The following FAM117B variants were observed in gnomAD, a reference collection of about 807,000 sequenced individuals.
FAM117B encodes the protein protein FAM117B.
In FAM117B, 22 loss-of-function variants were observed where a neutral mutation model predicts 52.8. That is an observed-to-expected ratio of 0.42 (90% CI 0.30 to 0.59). The LOEUF is 0.59. Ranked by LOEUF, FAM117B falls within the 20% of genes least tolerant of loss-of-function variation. The probability of loss-of-function intolerance (pLI) is 0.22; values close to 1 mark genes in which losing one functional copy is unlikely to be tolerated. For missense variants in FAM117B, 678 were observed against 802.6 expected, an observed-to-expected ratio of 0.84 and a Z score of 1.88; for synonymous variants, 309 against 324.1, an observed-to-expected ratio of 0.95 and a Z score of 0.50.
chr2:202,644,305 A>G (rs1177896159), intron 1 of FAM117B, among the ~76,000 whole-genome samples: 1 of 152,058 alleles, frequency 6.6e-6, no homozygotes, highest in Admixed American at 6.6e-5. Context: ...TGAGGTTAAA[A>G]TTGTTTTTCA....
At chr2:202,731,665 C>T (rs1385214854) in intron 4 of FAM117B, among the ~76,000 whole-genome samples, 3 of 151,880 alleles carry the variant, frequency 2.0e-5, no homozygotes, top group Non-Finnish European at 2.9e-5. Flanking sequence ...CTCCTGACCT[C>T]GTGAGCCTCC....
rs149807813 is a variant in FAM117B at position 202,724,264 on chromosome 2, C to T, written c.754-653C>T. Reference sequence around the variant, plus strand: ...TTCACCATGCTGGTCAGGCTGTTCTCGAACTCCTGACCTCGTGGCCTGTCC... The same window carrying T: ...TTCACCATGCTGGTCAGGCTGTTCTTGAACTCCTGACCTCGTGGCCTGTCC... On this transcript the variant is annotated intron_variant, in intron 2 of 7. Coordinates refer to ENST00000392238, the MANE Select transcript of FAM117B (RefSeq NM_173511.4). Among the ~76,000 whole-genome samples, 209 of 152,120 alleles carry T rather than the reference C, an allele frequency of 1.4e-3. 3 individuals are homozygous for T. The highest frequency in any genetic ancestry group is 4.7e-3 in the African/African-American group (197 of 41,514).
At chr2:202,762,321 G>A (rs1691902533) in intron 7 of FAM117B, among the ~76,000 whole-genome samples, 1 of 151,988 alleles carries the variant, frequency 6.6e-6, no homozygotes, top group South Asian at 2.1e-4. Flanking sequence ...GTTGGATTTG[G>A]GCCCAAAAAG....
intron 4 of FAM117B, among the ~76,000 whole-genome samples, chr2:202,740,981 C>G (rs1691525145): frequency 6.6e-6 from 1 of 151,692 alleles, no homozygotes; most frequent in African/African-American, 2.4e-5. Context: ...CCTTAAGATC[C>G]CATGCTATTT....
chr2:202,670,288 C>CTTTTTTTTT (rs547597583), intron 1 of FAM117B, among the ~76,000 whole-genome samples: 1 of 142,838 alleles, frequency 7.0e-6, no homozygotes, highest in African/African-American at 2.8e-5. Flanking sequence ...TCTTTTCTTT[C>CTTTTTTTTT]TTTTTTTTTT....
At chr2:202,733,059 AAG>A (rs1359966908) in intron 4 of FAM117B, among the ~76,000 whole-genome samples, 1 of 152,082 alleles carries the variant, frequency 6.6e-6, no homozygotes, top group African/African-American at 2.4e-5. Flanking sequence ...AAAGAGTACA[AAG>A]AGAGGAATTT....
chr2:202,668,938 A>G (rs1295645573), intron 1 of FAM117B, among the ~76,000 whole-genome samples: 1 of 152,174 alleles, frequency 6.6e-6, no homozygotes, highest in African/African-American at 2.4e-5. Flanking sequence ...TCACAGTGTT[A>G]TATATAATAT....
chr2:202,639,029 A>G (rs894113294), intron 1 of FAM117B, among the ~76,000 whole-genome samples: 1 of 152,240 alleles, frequency 6.6e-6, no homozygotes, highest in Non-Finnish European at 1.5e-5. Context: ...CTGGAAGGAA[A>G]GTCTTTGTAA....
At chr2:202,699,355 A>T in intron 2 of FAM117B, among the ~76,000 whole-genome samples, 1 of 125,100 alleles carries the variant, frequency 8.0e-6, no homozygotes, top group East Asian at 2.8e-4. Flanking sequence ...TGAACCCGGG[A>T]GGTGGAGGTT....
intron 1 of FAM117B, among the ~76,000 whole-genome samples, chr2:202,642,685 T>A (rs1258076373): frequency 6.6e-6 from 1 of 152,232 alleles, no homozygotes; most frequent in Admixed American, 6.5e-5. Flanking sequence ...GGATACACTT[T>A]GAACTTGGGG....
intron 4 of FAM117B, among the ~76,000 whole-genome samples, chr2:202,738,220 A>G (rs1176329248): frequency 1.3e-5 from 2 of 152,178 alleles, no homozygotes; most frequent in Non-Finnish European, 2.9e-5. Context: ...TTGTTCTCTT[A>G]CTGTCTTTCA....
At chr2:202,653,065 G>C (rs1185859697) in intron 1 of FAM117B, among the ~76,000 whole-genome samples, 1 of 152,102 alleles carries the variant, frequency 6.6e-6, no homozygotes, top group African/African-American at 2.4e-5. Context: ...AGGAGTTTTC[G>C]AGACCAGCCT....
At chr2:202,755,459 A>G (rs1691786767) in intron 4 of FAM117B, 79 bp from the exon 5 acceptor site, 7 of 1,526,576 alleles carry the variant, frequency 4.6e-6, no homozygotes, top group Non-Finnish European at 5.3e-6. Context: ...TGAGTTACTT[A>G]TGTCTGTTGG....
intron 2 of FAM117B, among the ~76,000 whole-genome samples, chr2:202,711,162 T>A (rs1690951220): frequency 6.6e-6 from 1 of 152,208 alleles, no homozygotes; most frequent in Admixed American, 6.5e-5. Context: ...TAGTACTAAT[T>A]TACATTCCTG....
intron 4 of FAM117B, among the ~76,000 whole-genome samples, chr2:202,753,455 C>G (rs578156609): frequency 6.6e-6 from 1 of 152,234 alleles, no homozygotes; most frequent in East Asian, 1.9e-4. Context: ...CAGGCATGGG[C>G]AAAGACTTCA....
At chr2:202,730,233 G>T (rs1163040194) in intron 4 of FAM117B, among the ~76,000 whole-genome samples, 1 of 152,074 alleles carries the variant, frequency 6.6e-6, no homozygotes, top group Non-Finnish European at 1.5e-5. Context: ...TATTGTTTAA[G>T]GTCACACGAG....
intron 2 of FAM117B, among the ~76,000 whole-genome samples, chr2:202,711,099 G>T (rs776674629): frequency 6.6e-6 from 1 of 152,004 alleles, no homozygotes; most frequent in African/African-American, 2.4e-5. Context: ...GGATCATATG[G>T]TTCCTCTATT....
chr2:202,745,192 A>G (rs1691612510), intron 4 of FAM117B, among the ~76,000 whole-genome samples: 1 of 151,746 alleles, frequency 6.6e-6, no homozygotes, highest in Non-Finnish European at 1.5e-5. Flanking sequence ...AGGCATGAGA[A>G]TCTCTTGAAC....
chr2:202,666,404 GCACA>G (rs1391026579), intron 1 of FAM117B, among the ~76,000 whole-genome samples: 1 of 151,588 alleles, frequency 6.6e-6, no homozygotes, highest in African/African-American at 2.4e-5. Context: ...GTTCACAAAC[GCACA>G]CACATATGTA....
Sources: allele counts gnomAD v4.1 joint callset (sites outside exome capture counted in the v4.1 genomes callset), GRCh38; gene constraint gnomAD v4.1.1; transcripts MANE v1.5; gene names NCBI Gene and HGNC (gene_info 2026-07-23, HGNC 2026-07-21).